PCDHA6: variants seen among roughly 807,000 people sequenced by gnomAD.
The protein encoded by PCDHA6 is protocadherin alpha 6, also known as protocadherin alpha-6.
In PCDHA6, 55 loss-of-function variants were observed where a neutral mutation model predicts 60.3. That is an observed-to-expected ratio of 0.91 (90% CI 0.73 to 1.14). The LOEUF (loss-of-function observed/expected upper bound fraction) is 1.14. PCDHA6 is among the 50% of genes most tolerant of loss of function. PCDHA6 has a pLI of 0.00. For synonymous variants in PCDHA6, 652 were observed against 557.9 expected, an observed-to-expected ratio of 1.17 and a Z score of -2.38; for missense variants, 1,327 against 1,256.5, an observed-to-expected ratio of 1.06 and a Z score of -0.85.
chr5:140,967,066 C>T (rs782715200), intron 1 of PCDHA6: 4 of 1,612,790 alleles, frequency 2.5e-6, no homozygotes, highest in African/African-American at 1.3e-5. Flanking sequence ...GAGCGCTCTT[C>T]GTCAACGAGC....
intron 1 of PCDHA6, chr5:140,850,511 CG>C (rs1562470746): frequency 6.3e-7 from 1 of 1,598,154 alleles, no homozygotes; most frequent in Non-Finnish European, 8.6e-7. Flanking sequence ...TGGTGGAGAG[CG>C]GCCAGGCGCC....
rs1421975943 is a variant in PCDHA6 at position 140,853,700 on chromosome 5, G to A, written c.2394+23215G>A. 8.1e-6 allele frequency: 8 copies of A among 987,678 alleles called. 1 individual carries two copies. Among genetic ancestry groups the A allele is most frequent in the Admixed American group, 6.3e-5 (1 of 15,866 alleles). The allele number at this position is 987,678 out of a possible 1,614,324, so 61.2% of individuals were successfully genotyped here. The stretch of plus-strand genomic sequence containing the variant: ...TCAACCTATCCTTAGACCTGCTAAC[G>A]CATTAGCATTAGCAGCACCTAAGTC... On this transcript the variant is annotated intron_variant, in intron 1 of 3. Coordinates refer to ENST00000529310, the MANE Select transcript of PCDHA6 (RefSeq NM_018909.4).
rs1404352255 is a variant in PCDHA6 at position 140,843,932 on chromosome 5, T to C, written c.2394+13447T>C. 7 of 583,528 alleles carry C rather than the reference T, an allele frequency of 1.2e-5. No homozygotes were observed. In the East Asian group the frequency reaches 1.4e-4, roughly 12 times the overall value. The allele number at this position is 583,528 out of a possible 1,614,324, so 36.1% of individuals were successfully genotyped here. A position where few individuals can be genotyped will look rare whatever the true frequency, so the allele number is the denominator to read the frequency against. ...TGGGTCTATCTTGAAACTCAAGTTA[T>C]GGTTGGATGATATCCATTTTTTACT... is the stretch of plus-strand genomic sequence containing the variant. On this transcript the variant is annotated intron_variant, in intron 1 of 3. Transcript: ENST00000529310.
At chr5:140,982,453 C>T (rs1554244194) in intron 2 of PCDHA6, 22 bp from the exon 3 acceptor site, 5 of 1,613,812 alleles carry the variant, frequency 3.1e-6, no homozygotes, top group African/African-American at 1.3e-5. Context: ...TAACCGTTAT[C>T]TGGGTCTGTG....
rs1377792748 is a variant in PCDHA6 at position 140,968,353 on chromosome 5, C to T, written c.2395-10596C>T. ...ATGTCTCCATTAACAGTGCCAGTGGCAGCCTTTATGCTGTCAACTCCTTTG... is the reference window on the plus strand; with the variant it reads ...ATGTCTCCATTAACAGTGCCAGTGGTAGCCTTTATGCTGTCAACTCCTTTG... On this transcript the variant is annotated intron_variant, in intron 1 of 3. Coordinates refer to ENST00000529310, the MANE Select transcript of PCDHA6 (RefSeq NM_018909.4). 1.9e-6 allele frequency: 3 copies of T among 1,613,988 alleles called. No individual in the cohort carries two copies. In the African/African-American group the frequency reaches 4.0e-5, roughly 22 times the overall value.
At chr5:140,905,407 A>G (rs2071810139) in intron 1 of PCDHA6, among the ~76,000 whole-genome samples, 1 of 152,158 alleles carries the variant, frequency 6.6e-6, no homozygotes, top group Non-Finnish European at 1.5e-5. Context: ...CTATTTTTAT[A>G]CCAGTACCAT....
chr5:140,870,510 A>T, intron 1 of PCDHA6: 1 of 1,614,220 alleles, frequency 6.2e-7, no homozygotes, highest in Non-Finnish European at 8.5e-7. Context: ...ACAACCCACC[A>T]GGCTGCCACA....
At position 140,993,460 on chromosome 5, in the gene PCDHA6, T is replaced by TCACACA. The variant is rs1554253699; in HGVS notation, c.2542+10898_2542+10899insACACAC. ...TTCATTCCTGTTCTCCTTCTTTCTT[T>TCACACA]CTCACACACACACACACACACACAC... On this transcript the variant is annotated intron_variant, in intron 3 of 3. Transcript: ENST00000529310. Among the ~76,000 whole-genome samples, 49 of 104,564 alleles carry TCACACA rather than the reference T, an allele frequency of 4.7e-4. 1 individual carries two copies. Among genetic ancestry groups the TCACACA allele is most frequent in the Admixed American group, 1.8e-3 (15 of 8,460 alleles). 68.6% of individuals were successfully genotyped at this position (104,564 alleles called of 152,430 possible).
At chr5:140,993,459 TTCTCAC>T (rs2097559303) in intron 3 of PCDHA6, among the ~76,000 whole-genome samples, 1 of 83,038 alleles carries the variant, frequency 1.2e-5, no homozygotes, top group African/African-American at 4.6e-5. Context: ...CCTTCTTTCT[TTCTCAC>T]ACACACACAC....
In PCDHA6 at chr5:140,917,330, A is replaced by T. The variant is rs155802; in HGVS notation, c.2395-61619A>T. On this transcript the variant is annotated intron_variant, in intron 1 of 3. Coordinates refer to ENST00000529310, the MANE Select transcript of PCDHA6 (RefSeq NM_018909.4). The stretch of plus-strand genomic sequence containing the variant: ...CAATTTGGTGTTCATGTGGCGGGGG[A>T]GGGGGGGGATGGTGTAGGCTTCTGT... Among the ~76,000 whole-genome samples, 56 of 103,230 alleles carry T rather than the reference A, an allele frequency of 5.4e-4. 2 individuals are homozygous for T. In the South Asian group the frequency reaches 0.01, roughly 19 times the overall value. The allele number at this position is 103,230 out of a possible 152,430, so 67.7% of individuals were successfully genotyped here.
chr5:140,857,484 G>C (rs1044921765), intron 1 of PCDHA6: 1 of 1,598,418 alleles, frequency 6.3e-7, no homozygotes, highest in African/African-American at 1.3e-5. Flanking sequence ...GTGTCTGCGT[G>C]GGACGCGGAC....
At chr5:141,005,422 A>G (rs1383654342) in intron 3 of PCDHA6, among the ~76,000 whole-genome samples, 3 of 152,132 alleles carry the variant, frequency 2.0e-5, no homozygotes, top group African/African-American at 7.2e-5. Flanking sequence ...AGTCATGCTA[A>G]GAATGGATGA....
At position 140,848,822 on chromosome 5, in the gene PCDHA6, CG is replaced by C. The variant is rs2150421614; in HGVS notation, c.2394+18338del. ...AGTGCAGCATCCACCTGGAGGTGAT[CG>C]TAGACAGGCCGCTGCAGGTTTTCCA... is the stretch of plus-strand genomic sequence containing the variant. On this transcript the variant is annotated intron_variant, in intron 1 of 3. Coordinates refer to ENST00000529310, the MANE Select transcript of PCDHA6 (RefSeq NM_018909.4). 4.4e-6 allele frequency: 7 copies of C among 1,590,462 alleles called. 1 individual carries two copies. Among genetic ancestry groups the C allele is most frequent in the Admixed American group, 3.4e-5 (2 of 58,802 alleles).
intron 1 of PCDHA6, chr5:140,882,688 A>G: frequency 1.2e-6 from 2 of 1,614,196 alleles, no homozygotes; most frequent in Non-Finnish European, 8.5e-7. Flanking sequence ...AGAAACGAAT[A>G]ATCATTGCAG....
At chr5:140,870,368 T>A in intron 1 of PCDHA6, 1 of 1,614,094 alleles carries the variant, frequency 6.2e-7, no homozygotes, top group Admixed American at 1.7e-5. Context: ...GCCTATGAAC[T>A]GGTGGTGACT....
chr5:140,857,895 G>A lies in PCDHA6; in HGVS notation c.2394+27410G>A, dbSNP rs373881159. Reference sequence around the variant, plus strand: ...TATGAATTGCAGTCGGCGGCGGTTGGTGCACGCATCCCGTTTCGCGTGGGG... The same window carrying A: ...TATGAATTGCAGTCGGCGGCGGTTGATGCACGCATCCCGTTTCGCGTGGGG... On this transcript the variant is annotated intron_variant, in intron 1 of 3. Transcript: ENST00000529310. The A allele has an allele frequency of 3.9e-5, 62 of 1,597,752 alleles. 5 individuals carry two copies. Among genetic ancestry groups the A allele is most frequent in the Non-Finnish European group, 5.1e-5 (59 of 1,167,572 alleles).
chr5:140,952,743 C>T lies in PCDHA6; in HGVS notation c.2395-26206C>T, dbSNP rs146786879. Reference sequence around the variant, plus strand: ...TCTGTACTAGTCTTTTCTCACACTGCTATAAAAACACCTGAGACTGGATAA... The same window carrying T: ...TCTGTACTAGTCTTTTCTCACACTGTTATAAAAACACCTGAGACTGGATAA... On this transcript the variant is annotated intron_variant, in intron 1 of 3. Coordinates refer to ENST00000529310, the MANE Select transcript of PCDHA6 (RefSeq NM_018909.4). 8.6e-3 allele frequency among the ~76,000 whole-genome samples: 1,316 copies of T among 152,264 alleles called. 10 individuals are homozygous for T. Among genetic ancestry groups the T allele is most frequent in the Middle Eastern group, 0.014 (4 of 294 alleles).
chr5:140,984,386 A>G (rs2097099955), intron 3 of PCDHA6, among the ~76,000 whole-genome samples: 1 of 152,202 alleles, frequency 6.6e-6, no homozygotes, highest in South Asian at 2.1e-4. Flanking sequence ...TTCAGATTCA[A>G]AAAATGTTGA....
chr5:140,832,598 C>T (rs2150202655), intron 1 of PCDHA6, among the ~76,000 whole-genome samples: 1 of 152,134 alleles, frequency 6.6e-6, no homozygotes, highest in African/African-American at 2.4e-5. Flanking sequence ...AGAACTATAG[C>T]GTTGCTAGTG....
Sources: gnomAD v4.1 joint callset for allele counts (sites outside exome capture counted in the v4.1 genomes callset) on GRCh38, gnomAD v4.1.1 for gene constraint, MANE v1.5 for transcripts, NCBI Gene and HGNC (gene_info 2026-07-23, HGNC 2026-07-21) for gene names.